The following DNAH8 variants were observed in gnomAD, a reference collection of about 807,000 sequenced individuals.
The protein encoded by DNAH8 is axonemal beta dynein heavy chain 8.
In DNAH8, 382 loss-of-function variants were observed where a neutral mutation model predicts 562.1. The ratio of observed to expected loss-of-function variants is 0.68; its 90% CI spans 0.63 to 0.74. The LOEUF (loss-of-function observed/expected upper bound fraction) is 0.74, where lower values mean the gene tolerates loss of function less well. Ranked by LOEUF, DNAH8 falls within the 30% of genes least tolerant of loss-of-function variation. The probability of loss-of-function intolerance (pLI) is 0.00; values close to 1 mark genes in which losing one functional copy is unlikely to be tolerated. For synonymous variants in DNAH8, 1,881 were observed against 1,919.4 expected, an observed-to-expected ratio of 0.98 and a Z score of 0.52; for missense variants, 5,203 against 5,620.4, an observed-to-expected ratio of 0.93 and a Z score of 2.37.
intron 4 of DNAH8, among the ~76,000 whole-genome samples, chr6:38,731,260 T>C (rs1224065099): frequency 2.0e-5 from 3 of 152,186 alleles, no homozygotes; most frequent in Non-Finnish European, 4.4e-5. Flanking sequence ...CAAAATACAG[T>C]TCCACTCAGT....
chr6:38,905,608 C>T lies in DNAH8; in HGVS notation c.9195-646C>T, dbSNP rs568313465. 2.2e-4 allele frequency among the ~76,000 whole-genome samples: 34 copies of T among 152,258 alleles called. 1 individual carries two copies. Among genetic ancestry groups the T allele is most frequent in the Admixed American group, 1.8e-3 (28 of 15,298 alleles). On this transcript the variant is annotated intron_variant, in intron 62 of 92. Coordinates refer to ENST00000327475, the MANE Select transcript of DNAH8 (RefSeq NM_001206927.2). The stretch of plus-strand genomic sequence containing the variant: ...TTTAGATATTATATATATATTTACT[C>T]GGACAAAATCTGTTGCTGAGGACTG...
At chr6:38,882,128 A>C (rs1280094377) in intron 53 of DNAH8, among the ~76,000 whole-genome samples, 1 of 151,804 alleles carries the variant, frequency 6.6e-6, no homozygotes, top group East Asian at 2.0e-4. Flanking sequence ...AAATTAGTGC[A>C]GCCATTACGG....
At chr6:38,730,018 A>C in intron 4 of DNAH8, 32 bp downstream of exon 4, 1 of 1,026,494 alleles carries the variant, frequency 9.7e-7, no homozygotes, top group South Asian at 1.4e-5. Context: ...TGTGCCAGTA[A>C]TTAGTTCATG....
intron 62 of DNAH8, among the ~76,000 whole-genome samples, chr6:38,901,078 C>T (rs1426974683): frequency 6.6e-6 from 1 of 150,888 alleles, no homozygotes; most frequent in Non-Finnish European, 1.5e-5. Flanking sequence ...GTTTGCGATT[C>T]TTTCTTATTG....
chr6:38,762,167 C>T (rs927638821), intron 11 of DNAH8, among the ~76,000 whole-genome samples: 1 of 152,090 alleles, frequency 6.6e-6, no homozygotes, highest in African/African-American at 2.4e-5. Flanking sequence ...TAATTTTGAT[C>T]CTGGTTTAGA....
At chr6:38,816,820 AT>A (rs1196485872) in intron 26 of DNAH8, among the ~76,000 whole-genome samples, 2 of 152,020 alleles carry the variant, frequency 1.3e-5, no homozygotes, top group Non-Finnish European at 2.9e-5. Flanking sequence ...TTTGATTTGC[AT>A]TTCTGTAATG....
chr6:38,805,221 T>G lies in DNAH8; in HGVS notation c.3035-260T>G, dbSNP rs77619150. Among the ~76,000 whole-genome samples, 8,084 of 152,326 alleles carry G rather than the reference T, an allele frequency of 0.053. 308 individuals are homozygous for G. Among genetic ancestry groups the G allele is most frequent in the Non-Finnish European group, 0.086 (5,850 of 68,024 alleles). On this transcript the variant is annotated intron_variant, in intron 22 of 92. Coordinates refer to ENST00000327475, the MANE Select transcript of DNAH8 (RefSeq NM_001206927.2). ...TTTACAAAGATAATAGGTAAAACTC[T>G]CTTAAAACTTTTCTGAATTCTAGAT...
chr6:39,012,493 C>T lies in DNAH8; in HGVS notation c.13570C>T (p.Gln4524Ter). The change falls in exon 91 of 93, where the codon CAG becomes TAG. Residue 4524 changes from glutamine to a stop codon, truncating the protein, a stop_gained. Transcript: ENST00000327475. LOFTEE classifies it high-confidence loss of function. ...LDNMYDARIP[Q>*]LWKRVSWDSS... is the part of the protein sequence containing the mutation. ...CAACATGTATGATGCTCGTATACCT[C>T]AGCTCTGGAAAAGAGTGTCTTGGGA... 1.9e-6 allele frequency: 3 copies of T among 1,614,128 alleles called. No individual in the cohort carries two copies. The highest frequency in any genetic ancestry group is 2.5e-6 in the Non-Finnish European group (3 of 1,179,976).
At chr6:39,029,018 C>T (rs907694444) in intron 92 of DNAH8, among the ~76,000 whole-genome samples, 2 of 152,222 alleles carry the variant, frequency 1.3e-5, no homozygotes, top group South Asian at 4.1e-4. Flanking sequence ...CCATCCTCTA[C>T]ATTTACCTAT....
intron 1 of DNAH8, among the ~76,000 whole-genome samples, chr6:38,718,806 T>A (rs1762532049): frequency 6.6e-6 from 1 of 152,214 alleles, no homozygotes. Context: ...GAATCCTTGC[T>A]GTTTGTGGTC....
At chr6:38,986,574 GAA>G (rs66568103) in intron 87 of DNAH8, among the ~76,000 whole-genome samples, 16 of 151,062 alleles carry the variant, frequency 1.1e-4, no homozygotes, top group Non-Finnish European at 1.9e-4. Context: ...ATTCAAAGGA[GAA>G]AAAAAAAGAT....
Position 38,826,284 on chromosome 6 carries a change from T to G in DNAH8, c.3976T>G (p.Leu1326Val). 6.2e-7 allele frequency: 1 copy of G among 1,613,590 alleles called. No individual in the cohort carries two copies. Among genetic ancestry groups the G allele is most frequent in the Non-Finnish European group, 8.5e-7 (1 of 1,179,652 alleles). Reference sequence around the variant, plus strand: ...ATTTATTAATGAATACTTGAAAAAGTTATCTAGACCTATTCGTGATTTAGA... The same window carrying G: ...ATTTATTAATGAATACTTGAAAAAGGTATCTAGACCTATTCGTGATTTAGA... ...IAFINEYLKKLSRPIRDLDDV... is the reference protein window; with the variant it reads ...IAFINEYLKKVSRPIRDLDDV... The change falls in exon 29 of 93, where the codon TTA becomes GTA. Residue 1326 changes from leucine to valine, a missense_variant. Leu to Val is a conservative substitution (Grantham distance 32). This residue lies in a region of DNAH8 where 2,176 missense variants were observed against 2,365.1 expected (regional missense o/e 0.92). Transcript: ENST00000327475.
chr6:38,897,257 A>G (rs1779767361), intron 60 of DNAH8, among the ~76,000 whole-genome samples: 1 of 152,228 alleles, frequency 6.6e-6, no homozygotes, highest in Non-Finnish European at 1.5e-5. Context: ...TTCAAATTTC[A>G]TTGTTCATAA....
Position 38,918,018 on chromosome 6 carries a change from A to C in DNAH8, c.10402A>C (p.Asn3468His), listed in dbSNP as rs1456380114. The C allele has an allele frequency of 1.9e-6, 3 of 1,613,868 alleles. No individual in the cohort carries two copies. The highest frequency in any genetic ancestry group is 2.5e-6 in the Non-Finnish European group (3 of 1,179,832). The change falls in exon 70 of 93, where the codon AAT becomes CAT. Residue 3468 changes from asparagine (N) to histidine (H), a missense_variant. This residue lies in a region of DNAH8 where 1,399 missense variants were observed against 1,518.4 expected (regional missense o/e 0.92). Coordinates refer to ENST00000327475, the MANE Select transcript of DNAH8 (RefSeq NM_001206927.2). The part of the protein sequence containing the change: ...ETVELLQPYF[N>H]MDDYTFESAK... ...TGTTGAGTTACTACAGCCATATTTT[A>C]ATATGGATGATTATACTTTTGAAAG...
intron 67 of DNAH8, among the ~76,000 whole-genome samples, chr6:38,914,253 AAGGTCCCTGTATGTTCC>A (rs1441396354): frequency 6.6e-6 from 1 of 150,480 alleles, no homozygotes; most frequent in Non-Finnish European, 1.5e-5. Flanking sequence ...TCTTCTGTTT[AAGGTCCCTGTATGTTCC>A]AGGTTTCTGG....
At chr6:38,785,698 G>T (rs1459483843) in intron 17 of DNAH8, among the ~76,000 whole-genome samples, 1 of 149,192 alleles carries the variant, frequency 6.7e-6, no homozygotes, top group African/African-American at 2.5e-5. Flanking sequence ...TGTTCTCATT[G>T]TTCAACTCCC....
chr6:38,935,648 G>A lies in DNAH8; in HGVS notation c.11514G>A (p.Lys3838=). The stretch of plus-strand genomic sequence containing the variant: ...AGGATGTTACTTTTAATAAGCGGAA[G>A]ATGAAAGAACTTGAAGATAACCTCC... ...LLEDVTFNKR[K]MKELEDNLLY... is the part of the protein sequence containing the mutation. The change falls in exon 77 of 93, where the codon AAG becomes AAA. Residue 3838 remains lysine, a synonymous_variant. Coordinates refer to ENST00000327475, the MANE Select transcript of DNAH8 (RefSeq NM_001206927.2). 6 of 1,613,438 alleles carry A rather than the reference G, an allele frequency of 3.7e-6. No homozygotes were observed. The highest frequency in any genetic ancestry group is 1.7e-6 in the Non-Finnish European group (2 of 1,179,778).
intron 53 of DNAH8, among the ~76,000 whole-genome samples, chr6:38,879,991 C>T (rs575287621): frequency 1.3e-5 from 2 of 152,112 alleles, no homozygotes; most frequent in Non-Finnish European, 2.9e-5. Context: ...ACCTGTAATC[C>T]CAGCCCTTTG....
chr6:38,847,449 C>G (rs75477890), intron 36 of DNAH8, among the ~76,000 whole-genome samples: 1 of 151,886 alleles, frequency 6.6e-6, no homozygotes, highest in Admixed American at 6.6e-5. Context: ...TTTCAGCTCT[C>G]GACCAGTGGC....
Sources: gnomAD v4.1 joint callset for allele counts (sites outside exome capture counted in the v4.1 genomes callset) on GRCh38, gnomAD v4.1.1 for gene constraint, gnomAD v4.1.1 regional missense constraint, MANE v1.5 for transcripts, NCBI Gene and HGNC (gene_info 2026-07-23, HGNC 2026-07-21) for gene names.